The following BCHE variants were observed in gnomAD, a reference collection of about 807,000 sequenced individuals.
BCHE encodes the protein cholinesterase.
In BCHE, 48 loss-of-function variants were observed where a neutral mutation model predicts 51.3. That is an observed-to-expected ratio of 0.94 (90% confidence interval 0.74 to 1.19). BCHE has a LOEUF of 1.19. Ranked by LOEUF, BCHE falls within the 50% of genes most tolerant of loss-of-function variation. BCHE has a pLI of 0.00. For missense variants in BCHE, 847 were observed against 708.2 expected (o/e 1.20, Z -2.23); for synonymous variants, 251 against 238.0 (o/e 1.05, Z -0.50).
chr3:165,785,342 A>C (rs1484357950), intron 3 of BCHE, among the ~76,000 whole-genome samples: 3 of 151,840 alleles, frequency 2.0e-5, no homozygotes, highest in Non-Finnish European at 4.4e-5. Context: ...TTAAGGAACC[A>C]CATGGATTAT....
intron 2 of BCHE, among the ~76,000 whole-genome samples, chr3:165,797,545 G>A (rs1321196092): frequency 4.0e-5 from 6 of 151,830 alleles, no homozygotes; most frequent in Non-Finnish European, 8.8e-5. Context: ...AGGAGTGACA[G>A]CCTAATGATC....
rs984516681 is a variant in BCHE at position 165,773,236 on chromosome 3, G to A, written c.*146C>T. 1.4e-6 allele frequency: 1 copy of A among 719,210 alleles called. No homozygotes were observed. Among genetic ancestry groups the A allele is most frequent in the African/African-American group, 1.8e-5 (1 of 55,828 alleles). The allele number at this position is 719,210 out of a possible 1,614,324, so 44.6% of individuals were successfully genotyped here. A position where few individuals can be genotyped will look rare whatever the true frequency, so the allele number is the denominator to read the frequency against. On this transcript the variant is annotated 3_prime_UTR_variant, in exon 4 of 4. Coordinates refer to ENST00000264381, the MANE Select transcript of BCHE (RefSeq NM_000055.4). ...TTTGAAATGCTAGGTAAAATACTAA[G>A]TTAAAGATGTGAGGAATCAATATTA...
intron 2 of BCHE, among the ~76,000 whole-genome samples, chr3:165,813,865 C>G (rs1378756453): frequency 6.6e-6 from 1 of 151,668 alleles, no homozygotes; most frequent in Non-Finnish European, 1.5e-5. Flanking sequence ...CAGCTATCAC[C>G]TATAATTTAA....
At chr3:165,813,893 A>C (rs1366269487) in intron 2 of BCHE, among the ~76,000 whole-genome samples, 1 of 152,020 alleles carries the variant, frequency 6.6e-6, no homozygotes, top group African/African-American at 2.4e-5. Context: ...ATTTAAAAAA[A>C]GTCTTAATTT....
intron 2 of BCHE, among the ~76,000 whole-genome samples, chr3:165,817,875 G>T (rs1015790861): frequency 6.6e-6 from 1 of 152,026 alleles, no homozygotes; most frequent in Non-Finnish European, 1.5e-5. Context: ...AAACAGTGAG[G>T]CATGGAGAAC....
chr3:165,786,106 A>G, intron 3 of BCHE, 39 bp downstream of exon 3: 1 of 1,586,456 alleles, frequency 6.3e-7, no homozygotes, highest in Non-Finnish European at 8.6e-7. Context: ...TACATAACCC[A>G]TCATCTATTA....
At chr3:165,827,870 G>A (rs371640341) in intron 2 of BCHE, 36 of 317,432 alleles carry the variant, frequency 1.1e-4, no homozygotes, top group Middle Eastern at 1.2e-3. Flanking sequence ...TTACAGCTAC[G>A]GGTAATATAA....
intron 3 of BCHE, among the ~76,000 whole-genome samples, chr3:165,779,314 A>G (rs536163107): frequency 6.6e-6 from 1 of 152,266 alleles, no homozygotes; most frequent in Non-Finnish European, 1.5e-5. Context: ...CATAGCCAAT[A>G]TCATATTAAA....
intron 1 of BCHE, among the ~76,000 whole-genome samples, chr3:165,836,700 TA>T (rs34294242): frequency 6.6e-6 from 1 of 152,002 alleles, no homozygotes; most frequent in Admixed American, 6.6e-5. Flanking sequence ...AACAAACATA[TA>T]AAAAGTGAAC....
chr3:165,822,814 T>G lies in BCHE; in HGVS notation c.1517+6703A>C, dbSNP rs570401480. Among the ~76,000 whole-genome samples the G allele has an allele frequency of 2.0e-5, 3 of 152,244 alleles. No individual in the cohort carries two copies. The South Asian group carries it at 6.2e-4, about 32-fold the overall frequency. ...TTGGCATATTTTCCTTCTTTAGTGC[T>G]CTGGTCTTTCTCATAACCCAAGTTT... On this transcript the variant is annotated intron_variant, in intron 2 of 3. Transcript: ENST00000264381.
At chr3:165,774,146 A>G (rs932704288) in intron 3 of BCHE, among the ~76,000 whole-genome samples, 2 of 152,126 alleles carry the variant, frequency 1.3e-5, no homozygotes, top group Non-Finnish European at 1.5e-5. Flanking sequence ...GATAAGAAAA[A>G]AAGGTCTGTA....
intron 1 of BCHE, among the ~76,000 whole-genome samples, chr3:165,837,104 A>T (rs1715216284): frequency 6.6e-6 from 1 of 152,160 alleles, no homozygotes; most frequent in African/African-American, 2.4e-5. Flanking sequence ...AGTTAAATAA[A>T]CAAAGTCTGC....
intron 1 of BCHE, among the ~76,000 whole-genome samples, chr3:165,831,862 T>C (rs959309178): frequency 6.6e-6 from 1 of 152,192 alleles, no homozygotes; most frequent in Non-Finnish European, 1.5e-5. Flanking sequence ...CATTATAATG[T>C]CTGGGAGAAG....
chr3:165,773,654 G>T, intron 3 of BCHE, 148 bp from the exon 4 acceptor site: 1 of 614,278 alleles, frequency 1.6e-6, no homozygotes, highest in Non-Finnish European at 2.6e-6. Context: ...TTATTAGCTC[G>T]CTTTGCCTGA....
intron 2 of BCHE, among the ~76,000 whole-genome samples, chr3:165,818,955 C>A (rs1159271049): frequency 6.6e-6 from 1 of 151,972 alleles, no homozygotes; most frequent in East Asian, 1.9e-4. Context: ...TAATGCCATG[C>A]TCTTTTGATG....
At chr3:165,779,591 A>G (rs778398291) in intron 3 of BCHE, among the ~76,000 whole-genome samples, 1 of 152,162 alleles carries the variant, frequency 6.6e-6, no homozygotes, top group Non-Finnish European at 1.5e-5. Context: ...ATCAATGTGC[A>G]GAAATCACAA....
intron 2 of BCHE, among the ~76,000 whole-genome samples, chr3:165,805,680 T>C (rs1485218355): frequency 6.6e-6 from 1 of 152,192 alleles, no homozygotes; most frequent in African/African-American, 2.4e-5. Context: ...ATATTTTTAA[T>C]CTTTACCAAT....
chr3:165,790,338 G>T (rs1345492824), intron 2 of BCHE, among the ~76,000 whole-genome samples: 1 of 152,092 alleles, frequency 6.6e-6, no homozygotes, highest in Admixed American at 6.6e-5. Flanking sequence ...AAGTACACCG[G>T]CACAATAGAT....
intron 2 of BCHE, among the ~76,000 whole-genome samples, chr3:165,807,471 T>C (rs554508327): frequency 1.3e-4 from 20 of 151,972 alleles, no homozygotes; most frequent in African/African-American, 4.3e-4. Context: ...CACTCAGATA[T>C]TTATTTAATA....
Sources: allele counts gnomAD v4.1 joint callset (sites outside exome capture counted in the v4.1 genomes callset), GRCh38; gene constraint gnomAD v4.1.1; transcripts MANE v1.5; gene names NCBI Gene and HGNC (gene_info 2026-07-23, HGNC 2026-07-21).